Variants in DEPDC5 observed in about 807,000 individuals in gnomAD.
The protein encoded by DEPDC5 is GATOR1 complex protein DEPDC5.
Under a neutral mutation model 217.3 loss-of-function variants are expected in DEPDC5, and 73 were observed. That is an observed-to-expected ratio of 0.34 (90% CI 0.28 to 0.41). DEPDC5 has a LOEUF of 0.41. Among genes scored for constraint, DEPDC5 ranks in the 10% least tolerant of loss-of-function variants. The pLI, the probability that DEPDC5 is intolerant of heterozygous loss-of-function variation, is 1.00. For missense variants in DEPDC5, 1,675 were observed against 2,070.1 expected (o/e 0.81, Z 3.70); for synonymous variants, 733 against 756.7 (o/e 0.97, Z 0.51).
chr22:31,861,836 A>T (rs1008739624), intron 33 of DEPDC5, among the ~76,000 whole-genome samples: 6 of 152,232 alleles, frequency 3.9e-5, no homozygotes, highest in Non-Finnish European at 8.8e-5. Flanking sequence ...TGTGGCAGGA[A>T]GTGGTGAAAA....
chr22:31,850,928 C>T (rs1026369034), intron 31 of DEPDC5, among the ~76,000 whole-genome samples: 2 of 152,078 alleles, frequency 1.3e-5, no homozygotes, highest in Admixed American at 6.6e-5. Flanking sequence ...AATTAGCTGG[C>T]ATGGTGGCAC....
intron 24 of DEPDC5, 191 bp downstream of exon 24, chr22:31,822,981 C>T (rs1157332292): frequency 3.5e-6 from 2 of 565,460 alleles, no homozygotes; most frequent in Non-Finnish European, 6.3e-6. Context: ...ACATTTTTAG[C>T]TCAGAACATG....
At chr22:31,885,128 A>G (rs2093274044) in intron 38 of DEPDC5, among the ~76,000 whole-genome samples, 1 of 152,116 alleles carries the variant, frequency 6.6e-6, no homozygotes, top group African/African-American at 2.4e-5. Context: ...ACCTCTTCAA[A>G]TGGAAGTCAG....
intron 14 of DEPDC5, among the ~76,000 whole-genome samples, chr22:31,802,501 A>G (rs2086982559): frequency 6.6e-6 from 1 of 152,136 alleles, no homozygotes; most frequent in Non-Finnish European, 1.5e-5. Context: ...GGTATTAACA[A>G]AGGTGACAGC....
intron 2 of DEPDC5, 45 bp from the exon 3 acceptor site, chr22:31,758,501 C>A: frequency 6.5e-7 from 1 of 1,550,106 alleles, no homozygotes; most frequent in Non-Finnish European, 8.9e-7. Flanking sequence ...ATACAGTGTA[C>A]CTAATGAGTG....
In DEPDC5 at chr22:31,799,535, T is replaced by A. The variant is rs138939483; in HGVS notation, c.946+879T>A. Among the ~76,000 whole-genome samples, 877 of 150,506 alleles carry A rather than the reference T, an allele frequency of 5.8e-3. 7 individuals carry two copies. The highest frequency in any genetic ancestry group is 0.02 in the African/African-American group (805 of 40,962). ...TGTCGCTTTGTCATCCAGGCTGGAA[T>A]GTAGTGGTGCAATCTTGACTCACTG... On this transcript the variant is annotated intron_variant, in intron 14 of 42. Transcript: ENST00000651528.
intron 39 of DEPDC5, 54 bp from the exon 40 acceptor site, chr22:31,897,428 T>G: frequency 6.4e-7 from 1 of 1,556,600 alleles, no homozygotes; most frequent in East Asian, 2.3e-5. Context: ...AAGTATTTTC[T>G]CTTGTTTGAA....
intron 7 of DEPDC5, among the ~76,000 whole-genome samples, chr22:31,774,104 A>C (rs542435539): frequency 4.6e-5 from 7 of 152,238 alleles, no homozygotes; most frequent in African/African-American, 9.6e-5. Context: ...ACAACAACAA[A>C]AAATATATAT....
chr22:31,899,050 CTT>C (rs2093603346), intron 40 of DEPDC5, among the ~76,000 whole-genome samples: 1 of 152,212 alleles, frequency 6.6e-6, no homozygotes, highest in Admixed American at 6.5e-5. Context: ...TCCAAAGACT[CTT>C]TGGGGGTTTT....
intron 31 of DEPDC5, among the ~76,000 whole-genome samples, chr22:31,847,726 G>T (rs1364589147): frequency 1.3e-5 from 2 of 152,096 alleles, no homozygotes; most frequent in East Asian, 1.9e-4. Flanking sequence ...TAAGATTTGG[G>T]TGGGGACACA....
chr22:31,804,990 T>A, intron 17 of DEPDC5, 75 bp downstream of exon 17: 1 of 1,397,360 alleles, frequency 7.2e-7, no homozygotes, highest in Non-Finnish European at 1.0e-6. Flanking sequence ...TTAAATCTGT[T>A]AAGTTCTTAT....
intron 14 of DEPDC5, among the ~76,000 whole-genome samples, chr22:31,801,744 T>G (rs891545093): frequency 8.5e-5 from 13 of 152,286 alleles, no homozygotes; most frequent in African/African-American, 2.9e-4. Context: ...TAGGTGTCCA[T>G]CTGCCACTGG....
At chr22:31,881,184 C>G (rs767866740) in intron 38 of DEPDC5, among the ~76,000 whole-genome samples, 12 of 151,458 alleles carry the variant, frequency 7.9e-5, no homozygotes, top group Non-Finnish European at 1.6e-4. Context: ...CGCCTGTAAT[C>G]CCAGCTACTC....
In DEPDC5 at chr22:31,803,351, C is replaced by T. The variant is rs187841899; in HGVS notation, c.1081+513C>T. The stretch of plus-strand genomic sequence containing the variant: ...TCAGCCTCCCAAGTAGCTGGGACTA[C>T]AGGCATCCGCCACCATGCCCGGCTA... On this transcript the variant is annotated intron_variant, in intron 15 of 42. Transcript: ENST00000651528. Among the ~76,000 whole-genome samples, 817 of 152,172 alleles carry T rather than the reference C, an allele frequency of 5.4e-3. 11 individuals are homozygous for T. Among genetic ancestry groups the T allele is most frequent in the Non-Finnish European group, 6.6e-3 (448 of 68,004 alleles).
intron 21 of DEPDC5, chr22:31,816,263 C>T (rs1335699120): frequency 3.3e-5 from 5 of 149,922 alleles, no homozygotes; most frequent in African/African-American, 1.2e-4. Context: ...TCCACCACTG[C>T]ACTCCAGCCT....
At chr22:31,843,505 G>A (rs2091522830) in intron 28 of DEPDC5, 140 bp from the exon 29 acceptor site, 17 of 1,004,570 alleles carry the variant, frequency 1.7e-5, no homozygotes, top group Non-Finnish European at 2.0e-5. Flanking sequence ...TTCTAGTACC[G>A]TTCCCTGGGA....
chr22:31,845,910 G>T (rs1310700327), intron 30 of DEPDC5, among the ~76,000 whole-genome samples: 2 of 151,424 alleles, frequency 1.3e-5, no homozygotes, highest in East Asian at 3.9e-4. Flanking sequence ...GCCCAAGCAG[G>T]AGTGTGGTGG....
chr22:31,892,173 G>A (rs1413140776), intron 38 of DEPDC5, among the ~76,000 whole-genome samples: 1 of 152,178 alleles, frequency 6.6e-6, no homozygotes, highest in Non-Finnish European at 1.5e-5. Flanking sequence ...AAAAAGATCT[G>A]GGGTTTAGCC....
intron 33 of DEPDC5, among the ~76,000 whole-genome samples, chr22:31,862,463 G>A (rs1472103993): frequency 1.3e-5 from 2 of 152,148 alleles, no homozygotes; most frequent in Admixed American, 1.3e-4. Context: ...TACTCAGGAG[G>A]CTGAGGCAGG....
Sources: allele counts gnomAD v4.1 joint callset (sites outside exome capture counted in the v4.1 genomes callset), GRCh38; gene constraint gnomAD v4.1.1; transcripts MANE v1.5; gene names NCBI Gene and HGNC (gene_info 2026-07-23, HGNC 2026-07-21).